The following ZNF143 variants were observed in gnomAD, a reference collection of about 807,000 sequenced individuals.
ZNF143 encodes zinc finger protein 143.
In ZNF143, 49 loss-of-function variants were observed where a neutral mutation model predicts 74.1. That is an observed-to-expected ratio of 0.66 (90% CI 0.53 to 0.84). The LOEUF is 0.84. Ranked by LOEUF, ZNF143 falls within the 40% of genes least tolerant of loss-of-function variation. The pLI, the probability that ZNF143 is intolerant of heterozygous loss-of-function variation, is 0.00. For missense variants in ZNF143, 637 were observed against 793.4 expected, an observed-to-expected ratio of 0.80 and a Z score of 2.37; for synonymous variants, 304 against 282.8, an observed-to-expected ratio of 1.07 and a Z score of -0.75.
At chr11:9,514,219 C>T (rs1049400238) in intron 13 of ZNF143, among the ~76,000 whole-genome samples, 1 of 152,168 alleles carries the variant, frequency 6.6e-6, no homozygotes, top group African/African-American at 2.4e-5. Context: ...CCAGAACCCA[C>T]CCCTGTATCA....
intron 1 of ZNF143, among the ~76,000 whole-genome samples, chr11:9,467,716 G>A (rs1417462606): frequency 6.6e-6 from 1 of 151,954 alleles, no homozygotes; most frequent in Non-Finnish European, 1.5e-5. Flanking sequence ...GCATGGTGGT[G>A]TGCGCCTGTA....
At chr11:9,480,369 A>G (rs988384688) in intron 7 of ZNF143, among the ~76,000 whole-genome samples, 1 of 151,856 alleles carries the variant, frequency 6.6e-6, no homozygotes, top group African/African-American at 2.4e-5. Context: ...AATTTTCTCT[A>G]ATATTTTGTT....
intron 13 of ZNF143, among the ~76,000 whole-genome samples, chr11:9,513,296 T>G (rs1231941687): frequency 6.6e-6 from 1 of 152,240 alleles, no homozygotes; most frequent in Non-Finnish European, 1.5e-5. Context: ...TAATATGCTC[T>G]GTTTTGATAC....
At chr11:9,526,735 G>A (rs1191908425) in intron 15 of ZNF143, among the ~76,000 whole-genome samples, 1 of 151,686 alleles carries the variant, frequency 6.6e-6, no homozygotes, top group Non-Finnish European at 1.5e-5. Flanking sequence ...AGCCACCATG[G>A]CCAGACTGTA....
chr11:9,526,016 C>T (rs1156906007), intron 15 of ZNF143, among the ~76,000 whole-genome samples: 1 of 152,008 alleles, frequency 6.6e-6, no homozygotes, highest in Non-Finnish European at 1.5e-5. Flanking sequence ...TGACGGCTGC[C>T]TGTAGTGCCC....
chr11:9,487,406 C>G (rs1847601881), intron 7 of ZNF143, among the ~76,000 whole-genome samples: 1 of 151,622 alleles, frequency 6.6e-6, no homozygotes, highest in African/African-American at 2.4e-5. Flanking sequence ...ATTGCCCAGG[C>G]TGGAGTGCAG....
chr11:9,464,966 T>C (rs1219613607), intron 1 of ZNF143, among the ~76,000 whole-genome samples: 1 of 152,132 alleles, frequency 6.6e-6, no homozygotes, highest in Non-Finnish European at 1.5e-5. Flanking sequence ...TAAGGGTAAT[T>C]AATTTGTTAA....
chr11:9,508,509 G>A (rs1848437107), intron 11 of ZNF143, 110 bp from the exon 12 acceptor site: 2 of 910,392 alleles, frequency 2.2e-6, no homozygotes, highest in Admixed American at 2.4e-5. Flanking sequence ...GATGAGGAGG[G>A]GTTTGGCAAT....
At chr11:9,461,122 C>T (rs960067242) in intron 1 of ZNF143, 46 bp downstream of exon 1, 2 of 980,822 alleles carry the variant, frequency 2.0e-6, no homozygotes, top group Non-Finnish European at 2.4e-6. Flanking sequence ...TATTCTCCGC[C>T]TGGCCGCCGC....
intron 12 of ZNF143, among the ~76,000 whole-genome samples, chr11:9,510,954 C>T (rs1482553221): frequency 6.6e-6 from 1 of 152,004 alleles, no homozygotes; most frequent in African/African-American, 2.4e-5. Flanking sequence ...TGTCTTTACA[C>T]AGTGAGGTCA....
chr11:9,507,029 G>A (rs1848389371), intron 11 of ZNF143, among the ~76,000 whole-genome samples: 1 of 152,130 alleles, frequency 6.6e-6, no homozygotes, highest in African/African-American at 2.4e-5. Context: ...CCACATCTCA[G>A]CAACTATCCA....
chr11:9,468,452 G>T (rs75182329), intron 1 of ZNF143, among the ~76,000 whole-genome samples: 1,936 of 152,226 alleles, frequency 0.013, 43 homozygotes, highest in African/African-American at 0.044. Flanking sequence ...CATATATTCA[G>T]TTTTTGAATA....
chr11:9,514,629 T>C (rs948411882), intron 13 of ZNF143, among the ~76,000 whole-genome samples: 2 of 152,164 alleles, frequency 1.3e-5, no homozygotes, highest in Non-Finnish European at 2.9e-5. Context: ...AGAGAATGGG[T>C]GTTCAGTTGG....
chr11:9,506,741 A>G (rs773804514), intron 11 of ZNF143, among the ~76,000 whole-genome samples: 4 of 152,242 alleles, frequency 2.6e-5, no homozygotes, highest in Non-Finnish European at 5.9e-5. Context: ...GGTAATTGCT[A>G]CAATAACTGG....
chr11:9,503,748 T>C (rs1204584201), intron 11 of ZNF143, among the ~76,000 whole-genome samples: 1 of 151,488 alleles, frequency 6.6e-6, no homozygotes, highest in Non-Finnish European at 1.5e-5. Context: ...GTTCAAGCGA[T>C]TGATTGATTG....
intron 8 of ZNF143, among the ~76,000 whole-genome samples, chr11:9,495,302 G>A (rs1372687916): frequency 2.0e-5 from 3 of 152,132 alleles, no homozygotes; most frequent in Admixed American, 6.5e-5. Context: ...TTAGCCGGGC[G>A]CAGTGGCAGG....
chr11:9,519,435 C>G (rs1050196003), intron 14 of ZNF143, among the ~76,000 whole-genome samples: 1 of 152,118 alleles, frequency 6.6e-6, no homozygotes, highest in Non-Finnish European at 1.5e-5. Flanking sequence ...CGTGAGCCAC[C>G]GCACCCAGCT....
chr11:9,499,357 A>G (rs1848075935), intron 10 of ZNF143, among the ~76,000 whole-genome samples: 1 of 152,186 alleles, frequency 6.6e-6, no homozygotes, highest in Non-Finnish European at 1.5e-5. Flanking sequence ...GAGGTCATCT[A>G]GATCCAAGAG....
chr11:9,494,213 A>G (rs1329403885), intron 7 of ZNF143, among the ~76,000 whole-genome samples: 1 of 152,228 alleles, frequency 6.6e-6, no homozygotes, highest in Non-Finnish European at 1.5e-5. Context: ...AAGAGTCCTA[A>G]TAAAGTGATG....
Sources: allele counts gnomAD v4.1 joint callset (sites outside exome capture counted in the v4.1 genomes callset), GRCh38; gene constraint gnomAD v4.1.1; transcripts MANE v1.5; gene names NCBI Gene and HGNC (gene_info 2026-07-23, HGNC 2026-07-21).